ARHGAP24: variants seen among roughly 807,000 people sequenced by gnomAD.
ARHGAP24 encodes Rho GTPase activating protein 24.
Under a neutral mutation model 76.4 loss-of-function variants are expected in ARHGAP24, and 50 were observed. That is an observed-to-expected ratio of 0.65 (90% CI 0.52 to 0.83). The LOEUF is 0.83. Among genes scored for constraint, ARHGAP24 ranks in the 40% least tolerant of loss-of-function variants. The probability of loss-of-function intolerance (pLI) is 0.00; values close to 1 mark genes in which losing one functional copy is unlikely to be tolerated. For synonymous variants in ARHGAP24, 345 were observed against 323.3 expected (o/e 1.07, Z -0.72); for missense variants, 930 against 914.2 (o/e 1.02, Z -0.22).
At chr4:85,627,844 G>A (rs1433532289) in intron 2 of ARHGAP24, among the ~76,000 whole-genome samples, 3 of 152,220 alleles carry the variant, frequency 2.0e-5, no homozygotes, top group African/African-American at 7.2e-5. Context: ...CTAGCAATGA[G>A]TGAGACTCCG....
At chr4:85,737,830 A>G (rs1051266430) in intron 3 of ARHGAP24, among the ~76,000 whole-genome samples, 8 of 152,234 alleles carry the variant, frequency 5.3e-5, no homozygotes, top group Admixed American at 5.2e-4. Flanking sequence ...AAGCTGGCTC[A>G]TACTTAGCAA....
intron 1 of ARHGAP24, among the ~76,000 whole-genome samples, chr4:85,486,282 T>A (rs1213535410): frequency 6.6e-6 from 1 of 150,814 alleles, no homozygotes; most frequent in Admixed American, 6.6e-5. Flanking sequence ...ATGAGGGTGT[T>A]TTTTTTTTAT....
intron 2 of ARHGAP24, among the ~76,000 whole-genome samples, chr4:85,583,773 T>A (rs1578054980): frequency 1.4e-5 from 2 of 147,254 alleles, no homozygotes; most frequent in African/African-American, 2.5e-5. Flanking sequence ...CATCAAAAAG[T>A]GGGCAAAGGA....
intron 1 of ARHGAP24, among the ~76,000 whole-genome samples, chr4:85,506,305 C>T (rs1724045675): frequency 6.6e-6 from 1 of 152,232 alleles, no homozygotes; most frequent in Non-Finnish European, 1.5e-5. Context: ...TTTAAATTTG[C>T]AGAAGTTTCT....
intron 3 of ARHGAP24, among the ~76,000 whole-genome samples, chr4:85,903,146 T>C (rs1040821303): frequency 3.9e-5 from 6 of 152,250 alleles, no homozygotes; most frequent in African/African-American, 1.2e-4. Flanking sequence ...TTGAGTTTTT[T>C]CTTAAATGAG....
intron 3 of ARHGAP24, among the ~76,000 whole-genome samples, chr4:85,766,774 A>G (rs1726945684): frequency 6.6e-6 from 1 of 152,164 alleles, no homozygotes; most frequent in Non-Finnish European, 1.5e-5. Context: ...CTCTAACTTG[A>G]GAACCACAAA....
At chr4:85,841,099 GAA>G (rs1730572480) in intron 3 of ARHGAP24, among the ~76,000 whole-genome samples, 1 of 152,304 alleles carries the variant, frequency 6.6e-6, no homozygotes, top group African/African-American at 2.4e-5. Flanking sequence ...ATGGAATCCA[GAA>G]AAACTGCTCA....
intron 2 of ARHGAP24, among the ~76,000 whole-genome samples, chr4:85,605,233 T>G (rs1379358557): frequency 3.3e-5 from 5 of 152,210 alleles, no homozygotes; most frequent in African/African-American, 4.8e-5. Context: ...GAGATGACTT[T>G]TGTCTCTCAA....
intron 1 of ARHGAP24, among the ~76,000 whole-genome samples, chr4:85,529,624 C>T (rs1393807369): frequency 1.3e-5 from 2 of 151,908 alleles, no homozygotes; most frequent in Non-Finnish European, 2.9e-5. Context: ...TCATCCTTAG[C>T]CTCTATTCAC....
At chr4:85,679,185 G>A (rs1723108707) in intron 2 of ARHGAP24, among the ~76,000 whole-genome samples, 2 of 151,956 alleles carry the variant, frequency 1.3e-5, no homozygotes, top group Admixed American at 6.6e-5. Flanking sequence ...ATGAAAGCTT[G>A]CAGGTAGCAG....
At chr4:85,554,462 CT>C (rs1222488146) in intron 1 of ARHGAP24, among the ~76,000 whole-genome samples, 1 of 152,074 alleles carries the variant, frequency 6.6e-6, no homozygotes, top group Non-Finnish European at 1.5e-5. Flanking sequence ...GATTTGGTCT[CT>C]TTACATAATC....
intron 2 of ARHGAP24, among the ~76,000 whole-genome samples, chr4:85,714,982 T>G (rs1407511266): frequency 6.6e-6 from 1 of 152,126 alleles, no homozygotes; most frequent in Non-Finnish European, 1.5e-5. Context: ...AAATATGTAT[T>G]AAGAATTTAT....
intron 3 of ARHGAP24, among the ~76,000 whole-genome samples, chr4:85,751,128 T>G (rs1422753896): frequency 6.6e-6 from 1 of 152,242 alleles, no homozygotes; most frequent in Non-Finnish European, 1.5e-5. Context: ...ATCAATATGA[T>G]TCACATATAA....
At chr4:85,775,045 C>A (rs1384319536) in intron 3 of ARHGAP24, among the ~76,000 whole-genome samples, 1 of 152,002 alleles carries the variant, frequency 6.6e-6, no homozygotes, top group Non-Finnish European at 1.5e-5. Context: ...GGAGACATAG[C>A]AAACATGGTT....
chr4:85,766,427 G>A (rs1361263401), intron 3 of ARHGAP24, among the ~76,000 whole-genome samples: 1 of 152,066 alleles, frequency 6.6e-6, no homozygotes, highest in African/African-American at 2.4e-5. Flanking sequence ...TAGGTTATTA[G>A]TGTCCAGATC....
intron 3 of ARHGAP24, among the ~76,000 whole-genome samples, chr4:85,826,127 C>A (rs1346967937): frequency 6.6e-6 from 1 of 152,158 alleles, no homozygotes; most frequent in Non-Finnish European, 1.5e-5. Context: ...TGTTCTCCAC[C>A]TGTCTCCCTC....
At chr4:85,486,142 G>T (rs1723041524) in intron 1 of ARHGAP24, among the ~76,000 whole-genome samples, 1 of 152,144 alleles carries the variant, frequency 6.6e-6, no homozygotes, top group African/African-American at 2.4e-5. Context: ...ATCTGGAAGG[G>T]ATATCTATAA....
chr4:85,927,859 A>G (rs984696184), intron 4 of ARHGAP24, among the ~76,000 whole-genome samples: 2 of 152,224 alleles, frequency 1.3e-5, no homozygotes, highest in African/African-American at 4.8e-5. Flanking sequence ...TGCCATTACA[A>G]TAATAGACAT....
intron 5 of ARHGAP24, among the ~76,000 whole-genome samples, chr4:85,953,021 A>G (rs1257940297): frequency 6.6e-6 from 1 of 152,212 alleles, no homozygotes; most frequent in Non-Finnish European, 1.5e-5. Flanking sequence ...TCCAGATGGT[A>G]TCAGCTGTTC....
Sources: gnomAD v4.1 joint callset for allele counts (sites outside exome capture counted in the v4.1 genomes callset) on GRCh38, gnomAD v4.1.1 for gene constraint, MANE v1.5 for transcripts, NCBI Gene and HGNC (gene_info 2026-07-23, HGNC 2026-07-21) for gene names.